Variants in INTS7 observed in about 807,000 individuals in gnomAD.
INTS7 encodes the protein chromosome 1 open reading frame 73.
INTS7 carries 46 observed loss-of-function variants against 109.2 expected under a neutral mutation model. The ratio of observed to expected loss-of-function variants is 0.42; its 90% CI spans 0.33 to 0.54. The LOEUF is 0.54. Among genes scored for constraint, INTS7 ranks in the 20% least tolerant of loss-of-function variants. INTS7 has a pLI of 0.07. For synonymous variants in INTS7, 412 were observed against 402.9 expected, an observed-to-expected ratio of 1.02 and a Z score of -0.27; for missense variants, 929 against 1,132.4, an observed-to-expected ratio of 0.82 and a Z score of 2.58.
intron 13 of INTS7, among the ~76,000 whole-genome samples, chr1:211,971,225 C>CA (rs1664150970): frequency 6.6e-6 from 1 of 152,050 alleles, no homozygotes; most frequent in African/African-American, 2.4e-5. Context: ...TGGTGATAGC[C>CA]AAAAAACGCT....
intron 1 of INTS7, 130 bp downstream of exon 1, chr1:212,035,214 A>G: frequency 1.5e-6 from 1 of 681,194 alleles, no homozygotes; most frequent in Non-Finnish European, 2.6e-6. Flanking sequence ...CCCCAGCAAA[A>G]GCACAGGCGC....
At chr1:211,993,477 T>C (rs189961934) in intron 7 of INTS7, among the ~76,000 whole-genome samples, 107 of 152,148 alleles carry the variant, frequency 7.0e-4, no homozygotes, top group African/African-American at 2.4e-3. Flanking sequence ...GTCAGGAGTT[T>C]GAGACCAGCT....
intron 16 of INTS7, among the ~76,000 whole-genome samples, chr1:211,954,776 A>C (rs1663285227): frequency 6.6e-6 from 1 of 152,202 alleles, no homozygotes; most frequent in African/African-American, 2.4e-5. Context: ...TGGTACCAGT[A>C]CCATGCTGTT....
At chr1:212,024,352 TC>T (rs1217500272) in intron 1 of INTS7, among the ~76,000 whole-genome samples, 1 of 152,196 alleles carries the variant, frequency 6.6e-6, no homozygotes, top group Non-Finnish European at 1.5e-5. Context: ...GGAATGTTTT[TC>T]CATTTGTGTC....
intron 3 of INTS7, among the ~76,000 whole-genome samples, chr1:212,017,501 A>G (rs1666492884): frequency 6.6e-6 from 1 of 152,254 alleles, no homozygotes; most frequent in African/African-American, 2.4e-5. Context: ...AGATCAAGAA[A>G]GCAGTGGTTG....
At chr1:211,980,410 A>T (rs1486722971) in intron 10 of INTS7, among the ~76,000 whole-genome samples, 2 of 152,134 alleles carry the variant, frequency 1.3e-5, no homozygotes, top group Non-Finnish European at 2.9e-5. Context: ...GTTTCACTCC[A>T]AAAAGAGTAG....
intron 1 of INTS7, among the ~76,000 whole-genome samples, chr1:212,022,948 T>C (rs1180990359): frequency 1.3e-5 from 2 of 152,128 alleles, no homozygotes; most frequent in African/African-American, 2.4e-5. Context: ...GTTCCTCTCT[T>C]TATGTCCATG....
At chr1:211,954,509 C>G (rs1412288666) in intron 16 of INTS7, among the ~76,000 whole-genome samples, 2 of 152,134 alleles carry the variant, frequency 1.3e-5, no homozygotes, top group Admixed American at 1.3e-4. Flanking sequence ...AGGTTTTCTT[C>G]TAGGGTTTTT....
chr1:211,980,258 T>A (rs1263479408), intron 10 of INTS7, among the ~76,000 whole-genome samples: 1 of 152,094 alleles, frequency 6.6e-6, no homozygotes, highest in African/African-American at 2.4e-5. Flanking sequence ...ATCACAACTT[T>A]CCTTAACCTG....
At chr1:212,027,674 T>A (rs74408632) in intron 1 of INTS7, among the ~76,000 whole-genome samples, 271 of 152,372 alleles carry the variant, frequency 1.8e-3, no homozygotes, top group African/African-American at 6.2e-3. Context: ...CAGAGCTTTT[T>A]GCCAGGCTAG....
rs569722906 is a variant in INTS7 at position 212,006,651 on chromosome 1, C to G, written c.867G>C (p.Arg289Ser). 7.8e-6 allele frequency: 12 copies of G among 1,544,106 alleles called. No individual in the cohort carries two copies. In the Admixed American group the frequency reaches 8.5e-5, roughly 11 times the overall value. ...LANKTPHTWS[R>S]ENIQALCECA... ...AAGTTCTACATACCTGAATATTCTCCCTACTCCAAGTATGTGGTGTTTTAT... is the reference window on the plus strand; with the variant it reads ...AAGTTCTACATACCTGAATATTCTCGCTACTCCAAGTATGTGGTGTTTTAT... The change falls in exon 7 of 20, where the codon AGG (arginine) becomes AGC (serine). Residue 289 changes from arginine to serine, a missense_variant. Transcript: ENST00000366994.
At position 211,982,913 on chromosome 1, in the gene INTS7, A is replaced by G. The variant is rs188141967; in HGVS notation, c.998-103T>C. ...TTAATTTTTGAGAAAAGTCTCTAAC[A>G]ATAAACTTCAACAAAATTTCCTACC... On this transcript the variant is annotated intron_variant, in intron 8 of 19. Transcript: ENST00000366994. 109 of 803,640 alleles carry G rather than the reference A, an allele frequency of 1.4e-4. No homozygotes were observed. In the East Asian group the frequency reaches 2.8e-3, roughly 20 times the overall value. The allele number at this position is 803,640 out of a possible 1,614,324, so 49.8% of individuals were successfully genotyped here. A position where few individuals can be genotyped will look rare whatever the true frequency, so the allele number is the denominator to read the frequency against.
rs1664515812 is a variant in INTS7 at position 211,978,470 on chromosome 1, G to C, written c.1272C>G (p.Pro424=). 4.3e-6 allele frequency: 7 copies of C among 1,614,128 alleles called. No individual in the cohort carries two copies. Among genetic ancestry groups the C allele is most frequent in the Non-Finnish European group, 5.1e-6 (6 of 1,180,002 alleles). ...NCMVKLAKGR[P]HLSQSVVETL... is the part of the protein sequence containing the mutation. ...TCTCAACTACTGACTGGCTAAGATG[G>C]GGCCTGCCCTTGGCCAACTTCACCA... is the stretch of plus-strand genomic sequence containing the variant. Residue 424 remains proline, a synonymous_variant, in exon 11 of 20, where the codon CCC becomes CCG. Coordinates refer to ENST00000366994, the MANE Select transcript of INTS7 (RefSeq NM_015434.4).
At chr1:211,989,659 TAAAAACA>T (rs1665060112) in intron 7 of INTS7, among the ~76,000 whole-genome samples, 1 of 151,736 alleles carries the variant, frequency 6.6e-6, no homozygotes, top group Non-Finnish European at 1.5e-5. Context: ...CTGTCTCTAC[TAAAAACA>T]CAAAAATCAG....
rs190233634 is a variant in INTS7 at position 211,951,369 on chromosome 1, C to T, written c.2316+1200G>A. On this transcript the variant is annotated intron_variant, in intron 17 of 19. Transcript: ENST00000366994. ...TGTTGCCCGGGCTGGAGTGCAGTGG[C>T]GCTATCTCAGCTCACTGCAACCTCC... 2.3e-4 allele frequency among the ~76,000 whole-genome samples: 35 copies of T among 152,084 alleles called. No individual in the cohort carries two copies. The East Asian group carries it at 6.4e-3, about 28-fold the overall frequency.
chr1:211,980,794 T>C (rs1225196490), intron 10 of INTS7, among the ~76,000 whole-genome samples: 2 of 152,150 alleles, frequency 1.3e-5, no homozygotes, highest in African/African-American at 4.8e-5. Context: ...TGTAACTAAG[T>C]GAAGGTGAAA....
chr1:211,971,556 C>A (rs1664169865), intron 13 of INTS7, among the ~76,000 whole-genome samples: 1 of 152,078 alleles, frequency 6.6e-6, no homozygotes, highest in Non-Finnish European at 1.5e-5. Context: ...CTCCTTTTTA[C>A]ATAAAATTCA....
intron 4 of INTS7, among the ~76,000 whole-genome samples, chr1:212,015,568 G>A (rs886965863): frequency 2.0e-5 from 3 of 152,018 alleles, no homozygotes; most frequent in Middle Eastern, 3.4e-3. Flanking sequence ...CACAAACACT[G>A]AGGAAGGCCG....
chr1:212,016,771 T>G (rs1344871293), intron 4 of INTS7, 115 bp downstream of exon 4: 3 of 797,934 alleles, frequency 3.8e-6, no homozygotes, highest in Non-Finnish European at 6.0e-6. Context: ...AAACACACCT[T>G]GTAATTTACA....
Sources: gnomAD v4.1 joint callset for allele counts (sites outside exome capture counted in the v4.1 genomes callset) on GRCh38, gnomAD v4.1.1 for gene constraint, MANE v1.5 for transcripts, NCBI Gene and HGNC (gene_info 2026-07-23, HGNC 2026-07-21) for gene names.